MBNL2: variants seen among roughly 807,000 people sequenced by gnomAD.
MBNL2 encodes muscleblind like splicing regulator 2, also known as muscleblind-like protein 2.
A neutral mutation model predicts 41.9 loss-of-function variants in MBNL2; 17 were observed. The ratio of observed to expected loss-of-function variants is 0.41; its 90% CI spans 0.28 to 0.61. The LOEUF is 0.61. Among genes scored for constraint, MBNL2 ranks in the 20% least tolerant of loss-of-function variants. The probability of loss-of-function intolerance (pLI) is 0.35; values close to 1 mark genes in which losing one functional copy is unlikely to be tolerated. For missense variants in MBNL2, 336 were observed against 505.6 expected (o/e 0.66, Z 3.22); for synonymous variants, 195 against 182.9 (o/e 1.07, Z -0.53).
At chr13:97,175,147 T>C in the MBNL2 span, among the ~76,000 whole-genome samples, 1 of 152,122 alleles carries the variant, frequency 6.6e-6, no homozygotes, top group African/African-American at 2.4e-5. Context: ...TTGGGAAGTC[T>C]CAGGGACTTC....
At chr13:97,293,781 T>C (rs1273969518) in intron 2 of MBNL2, among the ~76,000 whole-genome samples, 2 of 152,176 alleles carry the variant, frequency 1.3e-5, no homozygotes, top group Non-Finnish European at 2.9e-5. Context: ...TTCAATATAT[T>C]CTTTATTTTT....
intron 2 of MBNL2, among the ~76,000 whole-genome samples, chr13:97,298,412 G>T (rs2057287966): frequency 6.6e-6 from 1 of 152,102 alleles, no homozygotes; most frequent in Non-Finnish European, 1.5e-5. Context: ...TTTGCCTTCT[G>T]CTGTATCCCA....
chr13:97,319,964 AG>A (rs1051052113), intron 2 of MBNL2, among the ~76,000 whole-genome samples: 1 of 152,212 alleles, frequency 6.6e-6, no homozygotes, highest in Admixed American at 6.5e-5. Context: ...TTGAGCAAAT[AG>A]GGAGATCTCA....
chr13:97,204,653 T>C, the MBNL2 span, among the ~76,000 whole-genome samples: 1 of 152,182 alleles, frequency 6.6e-6, no homozygotes, highest in Non-Finnish European at 1.5e-5. Context: ...AGCCACTAAA[T>C]GATGTATAGA....
At chr13:97,156,841 C>T in the MBNL2 span, among the ~76,000 whole-genome samples, 1 of 152,182 alleles carries the variant, frequency 6.6e-6, no homozygotes, top group South Asian at 2.1e-4. Flanking sequence ...ATGCCTCCAG[C>T]TTTGTTCTTT....
intron 2 of MBNL2, among the ~76,000 whole-genome samples, chr13:97,303,967 G>A (rs1457554438): frequency 6.6e-6 from 1 of 152,140 alleles, no homozygotes; most frequent in African/African-American, 2.4e-5. Flanking sequence ...TTGGTCACTG[G>A]ATATAATTTA....
At chr13:97,217,507 T>C (rs745383956), upstream of MBNL2, among the ~76,000 whole-genome samples, 3 of 152,130 alleles carry the variant, frequency 2.0e-5, no homozygotes, top group Non-Finnish European at 4.4e-5. Context: ...GATGTGTACA[T>C]TGGGTGTTGC....
rs190048132 is a variant in MBNL2, at chr13:97,238,682, T to C, written c.-605+16151T>C. Among the ~76,000 whole-genome samples, 4 of 151,634 alleles carry C rather than the reference T, an allele frequency of 2.6e-5. No homozygotes were observed. The East Asian group carries it at 7.8e-4, about 29-fold the overall frequency. ...GAAGTGGAAAGTGAAAACGATTAGG[T>C]AGGGAGTGGGAGACAGGTAGCACAG... On this transcript the variant is annotated intron_variant, in intron 1 of 8. Coordinates refer to ENST00000679496, the MANE Select transcript of MBNL2 (RefSeq NM_001382683.1).
the MBNL2 span, among the ~76,000 whole-genome samples, chr13:97,163,182 A>T: frequency 6.6e-6 from 1 of 152,190 alleles, no homozygotes; most frequent in African/African-American, 2.4e-5. Flanking sequence ...TTGAAGGATA[A>T]CATCTTTGGT....
chr13:97,188,590 G>A, the MBNL2 span, among the ~76,000 whole-genome samples: 1 of 151,464 alleles, frequency 6.6e-6, no homozygotes, highest in Non-Finnish European at 1.5e-5. Flanking sequence ...CGTGTCTGAT[G>A]CACGTATAAT....
At chr13:97,260,278 G>A (rs9516881) in intron 1 of MBNL2, among the ~76,000 whole-genome samples, 6,854 of 152,290 alleles carry the variant, frequency 0.045, 201 homozygotes, top group African/African-American at 0.08. Context: ...CAAAGGCCAG[G>A]ATGGTTGGGG....
intron 8 of MBNL2, among the ~76,000 whole-genome samples, chr13:97,380,509 C>CA (rs961340088): frequency 3.6e-4 from 54 of 149,008 alleles, no homozygotes; most frequent in Admixed American, 1.9e-3. Flanking sequence ...AACAAACAAA[C>CA]AAAAAAAAAC....
chr13:97,152,451 C>A, the MBNL2 span, among the ~76,000 whole-genome samples: 1 of 151,792 alleles, frequency 6.6e-6, no homozygotes, highest in Non-Finnish European at 1.5e-5. Flanking sequence ...CGGCCAAGTG[C>A]GAACACAATG....
intron 2 of MBNL2, among the ~76,000 whole-genome samples, chr13:97,322,138 A>C (rs912803709): frequency 6.6e-6 from 1 of 152,110 alleles, no homozygotes; most frequent in African/African-American, 2.4e-5. Context: ...GTAAAGGAGG[A>C]GGCACACCGC....
the MBNL2 span, among the ~76,000 whole-genome samples, chr13:97,145,313 A>C: frequency 1.3e-5 from 2 of 152,218 alleles, no homozygotes; most frequent in African/African-American, 4.8e-5. Flanking sequence ...AAGCTAAACA[A>C]AGGCTAAAAA....
At chr13:97,162,896 G>C in the MBNL2 span, among the ~76,000 whole-genome samples, 1 of 152,198 alleles carries the variant, frequency 6.6e-6, no homozygotes, top group Admixed American at 6.5e-5. Flanking sequence ...GGAGAGTCAG[G>C]ATATTTGGGG....
At chr13:97,294,085 C>A (rs945207475) in intron 2 of MBNL2, among the ~76,000 whole-genome samples, 1 of 151,638 alleles carries the variant, frequency 6.6e-6, no homozygotes, top group Non-Finnish European at 1.5e-5. Flanking sequence ...TTTATTATAT[C>A]TTTTTCATCT....
chr13:97,258,358 G>A (rs2047957169), intron 1 of MBNL2, among the ~76,000 whole-genome samples: 1 of 152,120 alleles, frequency 6.6e-6, no homozygotes, highest in Non-Finnish European at 1.5e-5. Flanking sequence ...CATACTTGTG[G>A]TTTGAGTCAT....
chr13:97,195,161 T>C, the MBNL2 span, among the ~76,000 whole-genome samples: 1 of 152,162 alleles, frequency 6.6e-6, no homozygotes, highest in Admixed American at 6.5e-5. Flanking sequence ...GCCATATCAA[T>C]CTGGAGGCGA....
Sources: allele counts gnomAD v4.1 joint callset (sites outside exome capture counted in the v4.1 genomes callset), GRCh38; gene constraint gnomAD v4.1.1; transcripts MANE v1.5; gene names NCBI Gene and HGNC (gene_info 2026-07-23, HGNC 2026-07-21).